The following TLK2 variants were observed in gnomAD, a reference collection of about 807,000 sequenced individuals.
The protein encoded by TLK2 is tousled like kinase 2.
TLK2 carries 6 observed loss-of-function variants against 117.3 expected under a neutral mutation model. The ratio of observed to expected loss-of-function variants is 0.05; its 90% CI spans 0.03 to 0.10. TLK2 has a LOEUF of 0.10. Among genes scored for constraint, TLK2 ranks in the 10% least tolerant of loss-of-function variants. The pLI, the probability that TLK2 is intolerant of heterozygous loss-of-function variation, is 1.00. For missense variants in TLK2, 299 were observed against 901.2 expected, an observed-to-expected ratio of 0.33 and a Z score of 8.56; for synonymous variants, 257 against 316.7, an observed-to-expected ratio of 0.81 and a Z score of 2.00.
chr17:62,494,338 C>T (rs1187371374), intron 2 of TLK2, among the ~76,000 whole-genome samples: 1 of 152,140 alleles, frequency 6.6e-6, no homozygotes. Flanking sequence ...CCGCCTTGGC[C>T]TCCGAAAGTG....
At chr17:62,525,454 T>C (rs1238684754) in intron 6 of TLK2, among the ~76,000 whole-genome samples, 1 of 149,420 alleles carries the variant, frequency 6.7e-6, no homozygotes, top group Non-Finnish European at 1.5e-5. Context: ...ATATGTAATT[T>C]TTTTTTTTTT....
At chr17:62,548,912 T>G (rs972327942) in intron 7 of TLK2, among the ~76,000 whole-genome samples, 4 of 150,424 alleles carry the variant, frequency 2.7e-5, no homozygotes, top group African/African-American at 9.8e-5. Flanking sequence ...TATTTTTTTT[T>G]GTATGTTTAG....
intron 2 of TLK2, among the ~76,000 whole-genome samples, chr17:62,511,971 T>C (rs930514293): frequency 1.3e-5 from 2 of 152,180 alleles, no homozygotes; most frequent in Admixed American, 1.3e-4. Flanking sequence ...TTAAGTGCAT[T>C]TTTAGTTTTA....
At position 62,570,054 on chromosome 17, in the gene TLK2, G is replaced by A. The variant is rs909220687; in HGVS notation, c.969-3161G>A. On this transcript the variant is annotated intron_variant, in intron 11 of 21. Transcript: ENST00000346027. ...TCTTCACATGGTGCTCTCCCTGTGC[G>A]TCTCTGTGTCTTCTCTTCTCATAAG... Among the ~76,000 whole-genome samples the A allele has an allele frequency of 2.6e-5, 4 of 152,192 alleles. No individual in the cohort carries two copies. In the South Asian group the frequency reaches 8.3e-4, roughly 32 times the overall value.
At position 62,576,715 on chromosome 17, in the gene TLK2, G is replaced by C. The variant is rs560809971; in HGVS notation, c.1128G>C (p.Thr376=). ...TTTTACCACTGTTTTTCAGGTTAAC[G>C]TTAGCAGAATACCATGAACAAGAAG... The part of the protein sequence containing the change: ...KTNGAENETL[T]LAEYHEQEEI... Residue 376 remains threonine (T), a synonymous_variant, in exon 13 of 22, where the codon ACG becomes ACC. Transcript: ENST00000346027. The C allele has an allele frequency of 1.1e-5, 17 of 1,612,774 alleles. No homozygotes were observed. Among genetic ancestry groups the C allele is most frequent in the Non-Finnish European group, 1.4e-5 (17 of 1,179,318 alleles).
intron 16 of TLK2, among the ~76,000 whole-genome samples, chr17:62,594,789 T>TACACACACACACAC (rs143695451): frequency 1.2e-4 from 17 of 145,422 alleles, no homozygotes; most frequent in African/African-American, 3.9e-4. Flanking sequence ...GCAGGGCGGG[T>TACACACACACACAC]ACACACACAC....
chr17:62,594,985 G>A (rs569941859), intron 16 of TLK2, among the ~76,000 whole-genome samples: 6 of 151,996 alleles, frequency 3.9e-5, no homozygotes, highest in East Asian at 1.9e-4. Flanking sequence ...TTTTTGAGAC[G>A]GAGTCTAACT....
chr17:62,536,370 T>A, intron 7 of TLK2, 33 bp downstream of exon 7: 1 of 1,586,916 alleles, frequency 6.3e-7, no homozygotes, highest in Non-Finnish European at 8.6e-7. Context: ...TTCATATCCT[T>A]TCCATTGCCC....
intron 2 of TLK2, among the ~76,000 whole-genome samples, chr17:62,500,996 T>C (rs929856500): frequency 6.6e-6 from 1 of 152,150 alleles, no homozygotes; most frequent in Non-Finnish European, 1.5e-5. Flanking sequence ...CCCAGCACTT[T>C]GGGAGGCCGA....
chr17:62,512,059 C>A (rs1472105301), intron 2 of TLK2, among the ~76,000 whole-genome samples: 1 of 152,124 alleles, frequency 6.6e-6, no homozygotes, highest in East Asian at 1.9e-4. Context: ...TCTCTACATC[C>A]TTGACAGTGT....
intron 19 of TLK2, 115 bp downstream of exon 19, chr17:62,602,295 C>A: frequency 2.9e-6 from 3 of 1,048,406 alleles, no homozygotes; most frequent in Non-Finnish European, 4.0e-6. Context: ...TGCCATAAAC[C>A]AAAGCAGACT....
intron 2 of TLK2, among the ~76,000 whole-genome samples, chr17:62,500,580 A>G (rs1476461733): frequency 1.3e-5 from 2 of 152,216 alleles, no homozygotes; most frequent in Non-Finnish European, 2.9e-5. Flanking sequence ...GCAGGCAAAA[A>G]ATCAGTAAGG....
At position 62,576,699 on chromosome 17, in the gene TLK2, T is replaced by C. The variant is rs2080815088; in HGVS notation, c.1122-10T>C. 2 of 1,610,354 alleles carry C rather than the reference T, an allele frequency of 1.2e-6. No individual in the cohort carries two copies. The highest frequency in any genetic ancestry group is 1.1e-5 in the South Asian group (1 of 90,856). The stretch of plus-strand genomic sequence containing the variant: ...AGTAGTTTACTGAAACTTTTACCAC[T>C]GTTTTTCAGGTTAACGTTAGCAGAA... On this transcript the variant is annotated splice_polypyrimidine_tract_variant and intron_variant, in intron 12 of 21. Coordinates refer to ENST00000346027, the MANE Select transcript of TLK2 (RefSeq NM_006852.6).
At chr17:62,475,115 G>C (rs1029202890), upstream of TLK2, among the ~76,000 whole-genome samples, 12 of 152,148 alleles carry the variant, frequency 7.9e-5, no homozygotes, top group Non-Finnish European at 1.5e-4. Context: ...TTAGGAATTG[G>C]AAGAAGAGAG....
chr17:62,596,553 A>G, intron 16 of TLK2, 32 bp from the exon 17 acceptor site: 1 of 1,549,098 alleles, frequency 6.5e-7, no homozygotes, highest in Non-Finnish European at 8.9e-7. Context: ...AGGCCAATAT[A>G]CCTTCTTGTT....
intron 1 of TLK2, among the ~76,000 whole-genome samples, chr17:62,471,648 C>CTTTCTGATACTA (rs578239843): frequency 0.33 from 50,052 of 151,836 alleles, 8,485 homozygotes; most frequent in Admixed American, 0.4. Flanking sequence ...CAGGGAGTAT[C>CTTTCTGATACTA]AGAAAGAGTT....
chr17:62,586,854 A>G (rs914534847), intron 16 of TLK2, among the ~76,000 whole-genome samples: 1 of 151,570 alleles, frequency 6.6e-6, no homozygotes, highest in Non-Finnish European at 1.5e-5. Flanking sequence ...TTGCTTGTCT[A>G]TAGAAACTAG....
chr17:62,506,806 C>T (rs1324182794), intron 2 of TLK2, among the ~76,000 whole-genome samples: 2 of 152,102 alleles, frequency 1.3e-5, no homozygotes, highest in Non-Finnish European at 2.9e-5. Flanking sequence ...AAGCTAAAAA[C>T]ATAGATTATA....
intron 19 of TLK2, among the ~76,000 whole-genome samples, chr17:62,602,645 T>C (rs936224734): frequency 1.3e-5 from 2 of 152,168 alleles, no homozygotes; most frequent in African/African-American, 4.8e-5. Context: ...ATAGCGCATA[T>C]GAAATCTATA....
Sources: allele counts gnomAD v4.1 joint callset (sites outside exome capture counted in the v4.1 genomes callset), GRCh38; gene constraint gnomAD v4.1.1; transcripts MANE v1.5; gene names NCBI Gene and HGNC (gene_info 2026-07-23, HGNC 2026-07-21).